CPNE4: variants seen among roughly 807,000 people sequenced by gnomAD.
CPNE4 encodes the protein copine 4.
A neutral mutation model predicts 67.9 loss-of-function variants in CPNE4; 25 were observed. The observed-to-expected ratio is 0.37, with a 90% CI of 0.27 to 0.51. The LOEUF is 0.51. CPNE4 is among the 20% of genes least tolerant of loss of function. The pLI is 0.93. For missense variants in CPNE4, 464 were observed against 690.8 expected, an observed-to-expected ratio of 0.67 and a Z score of 3.68; for synonymous variants, 242 against 244.9, an observed-to-expected ratio of 0.99 and a Z score of 0.11.
At chr3:132,006,571 G>A (rs1470459632) in intron 1 of CPNE4, among the ~76,000 whole-genome samples, 3 of 151,958 alleles carry the variant, frequency 2.0e-5, no homozygotes, top group Admixed American at 1.3e-4. Flanking sequence ...CATACAACTC[G>A]AAATCTTCTG....
chr3:132,001,474 G>A (rs1307304880), intron 1 of CPNE4, among the ~76,000 whole-genome samples: 1 of 151,300 alleles, frequency 6.6e-6, no homozygotes, highest in Non-Finnish European at 1.5e-5. Flanking sequence ...CTCAAAGCCT[G>A]CTGTTATGGA....
At chr3:131,813,839 G>T (rs1276562034) in intron 2 of CPNE4, among the ~76,000 whole-genome samples, 1 of 152,136 alleles carries the variant, frequency 6.6e-6, no homozygotes, top group African/African-American at 2.4e-5. Flanking sequence ...GATCCAATAT[G>T]CTTAATTATA....
At chr3:131,938,438 T>C (rs2071290500) in intron 1 of CPNE4, among the ~76,000 whole-genome samples, 1 of 151,962 alleles carries the variant, frequency 6.6e-6, no homozygotes. Flanking sequence ...CTTAATATAA[T>C]AAAAAATGTC....
At chr3:131,706,350 C>T (rs1250692199) in intron 3 of CPNE4, among the ~76,000 whole-genome samples, 2 of 152,218 alleles carry the variant, frequency 1.3e-5, no homozygotes, top group African/African-American at 4.8e-5. Context: ...ACTTTGAAAA[C>T]ACCGATTATG....
chr3:131,893,748 A>C (rs2088210272), intron 2 of CPNE4, among the ~76,000 whole-genome samples: 1 of 152,000 alleles, frequency 6.6e-6, no homozygotes. Flanking sequence ...AAGGAAATTA[A>C]AATTTTTATT....
chr3:131,591,906 A>G (rs115967349), intron 7 of CPNE4, among the ~76,000 whole-genome samples: 1 of 152,188 alleles, frequency 6.6e-6, no homozygotes, highest in Admixed American at 6.5e-5. Context: ...TGAATCAATA[A>G]GAAGGCCTTG....
chr3:131,953,091 G>T (rs894592101), intron 1 of CPNE4, among the ~76,000 whole-genome samples: 8 of 151,868 alleles, frequency 5.3e-5, no homozygotes, highest in African/African-American at 1.9e-4. Context: ...AGTACCCAGG[G>T]ACACAAACAC....
At chr3:131,942,204 GTC>G (rs2071407111) in intron 1 of CPNE4, among the ~76,000 whole-genome samples, 1 of 152,000 alleles carries the variant, frequency 6.6e-6, no homozygotes, top group Non-Finnish European at 1.5e-5. Flanking sequence ...TTTACTGACT[GTC>G]TCTTGTTTAT....
At chr3:131,596,621 C>CAGAA (rs1491443015) in intron 7 of CPNE4, among the ~76,000 whole-genome samples, 3 of 32,980 alleles carry the variant, frequency 9.1e-5, no homozygotes, top group Non-Finnish European at 1.7e-4. Context: ...GACTCCGTCT[C>CAGAA]AAAAAAAAAA....
intron 14 of CPNE4, among the ~76,000 whole-genome samples, chr3:131,548,390 G>C (rs186157324): frequency 7.0e-4 from 107 of 152,004 alleles, no homozygotes; most frequent in Non-Finnish European, 9.3e-4. Context: ...TGAAAGTAGA[G>C]AGACATAAAA....
At chr3:131,778,232 C>G (rs1175990125) in intron 2 of CPNE4, among the ~76,000 whole-genome samples, 1 of 152,122 alleles carries the variant, frequency 6.6e-6, no homozygotes, top group Non-Finnish European at 1.5e-5. Context: ...CTGACTCATA[C>G]TGCATGCACA....
intron 2 of CPNE4, among the ~76,000 whole-genome samples, chr3:131,889,077 A>G (rs1283966744): frequency 1.3e-5 from 2 of 152,190 alleles, no homozygotes; most frequent in Non-Finnish European, 2.9e-5. Flanking sequence ...AAAAGTATTG[A>G]ATATCTATTA....
rs559885281 is a variant in CPNE4, at chr3:131,742,562, C to A, written c.181-18937G>T. The stretch of plus-strand genomic sequence containing the variant: ...ATGTATACATATATGTAAACACCCT[C>A]ATTGAGTGGGAGACTGCACTTTTTT... On this transcript the variant is annotated intron_variant, in intron 2 of 15. Transcript: ENST00000429747. Among the ~76,000 whole-genome samples the A allele has an allele frequency of 1.6e-4, 25 of 152,226 alleles. No individual in the cohort carries two copies. In the South Asian group the frequency reaches 5.0e-3, roughly 30 times the overall value.
intron 15 of CPNE4, among the ~76,000 whole-genome samples, chr3:131,536,932 A>G (rs1231706804): frequency 6.6e-6 from 1 of 152,162 alleles, no homozygotes; most frequent in African/African-American, 2.4e-5. Context: ...GGATAACAAT[A>G]TGACCCAATT....
chr3:131,712,429 G>T (rs2107724983), intron 3 of CPNE4, among the ~76,000 whole-genome samples: 1 of 152,304 alleles, frequency 6.6e-6, no homozygotes, highest in African/African-American at 2.4e-5. Context: ...GGACAGGTTA[G>T]CTTTTTAATG....
intron 1 of CPNE4, among the ~76,000 whole-genome samples, chr3:131,941,849 G>A (rs1463671253): frequency 6.6e-6 from 1 of 151,976 alleles, no homozygotes; most frequent in Non-Finnish European, 1.5e-5. Flanking sequence ...GACAATATAA[G>A]ACTTTAGTTC....
intron 2 of CPNE4, among the ~76,000 whole-genome samples, chr3:131,867,605 A>C (rs1364605052): frequency 1.3e-5 from 2 of 152,084 alleles, no homozygotes; most frequent in Non-Finnish European, 2.9e-5. Context: ...AATGCTAGTA[A>C]CTTTCCTACC....
chr3:131,644,315 T>G (rs2079609208), intron 7 of CPNE4, among the ~76,000 whole-genome samples: 1 of 151,892 alleles, frequency 6.6e-6, no homozygotes, highest in Non-Finnish European at 1.5e-5. Context: ...GCCTGACTAG[T>G]TTTTTGTATT....
At chr3:131,840,047 T>C (rs1047986442) in intron 2 of CPNE4, among the ~76,000 whole-genome samples, 2 of 152,156 alleles carry the variant, frequency 1.3e-5, no homozygotes, top group African/African-American at 4.8e-5. Context: ...CATACATTCA[T>C]GTAGCATGAG....
Sources: gnomAD v4.1 joint callset for allele counts (sites outside exome capture counted in the v4.1 genomes callset) on GRCh38, gnomAD v4.1.1 for gene constraint, MANE v1.5 for transcripts, NCBI Gene and HGNC (gene_info 2026-07-23, HGNC 2026-07-21) for gene names.